The following LMBRD1 variants were observed in gnomAD, a reference collection of about 807,000 sequenced individuals.
LMBRD1 encodes lysosomal cobalamin transport escort protein LMBD1.
In LMBRD1, 64 loss-of-function variants were observed where a neutral mutation model predicts 74.8. The ratio of observed to expected loss-of-function variants is 0.86; its 90% confidence interval spans 0.70 to 1.05. The LOEUF (loss-of-function observed/expected upper bound fraction) is 1.05. Ranked by LOEUF, LMBRD1 falls within the 50% of genes least tolerant of loss-of-function variation. The pLI is 0.00. For synonymous variants in LMBRD1, 204 were observed against 216.3 expected (o/e 0.94, Z 0.50); for missense variants, 652 against 645.9 (o/e 1.01, Z -0.10).
At chr6:69,705,909 C>T (rs780712303) in intron 9 of LMBRD1, 42 of 1,285,014 alleles carry the variant, frequency 3.3e-5, no homozygotes, top group African/African-American at 4.4e-5. Flanking sequence ...AAATTGTTGG[C>T]TGTACAGACA....
intron 14 of LMBRD1, among the ~76,000 whole-genome samples, chr6:69,688,401 G>GT (rs142237925): frequency 0.33 from 49,492 of 148,706 alleles, 9,108 homozygotes; most frequent in East Asian, 0.54. Context: ...GAAGGGCAGA[G>GT]ATTTTTTTTT....
chr6:69,705,513 G>A, intron 9 of LMBRD1: 1 of 1,253,874 alleles, frequency 8.0e-7, no homozygotes, highest in Admixed American at 1.7e-5. Context: ...GTTTGATCTT[G>A]GTATTGATGA....
rs1047362233 is a variant in LMBRD1 at position 69,675,637 on chromosome 6, G to A, written c.*521C>T. ...CCATGCTCTTAGAGCACTAACTAGA[G>A]TTTGAAATCTTTTCATGAAATCTAC... On this transcript the variant is annotated 3_prime_UTR_variant, in exon 16 of 16. Transcript: ENST00000649934. Among the ~76,000 whole-genome samples the A allele has an allele frequency of 7.2e-5, 11 of 152,090 alleles. No homozygotes were observed. Among genetic ancestry groups the A allele is most frequent in the African/African-American group, 2.7e-4 (11 of 41,410 alleles).
intron 14 of LMBRD1, among the ~76,000 whole-genome samples, chr6:69,682,364 T>C (rs1168663643): frequency 6.6e-6 from 1 of 151,866 alleles, no homozygotes; most frequent in Non-Finnish European, 1.5e-5. Flanking sequence ...TTGCCAGATA[T>C]TTTGCACTTA....
chr6:69,682,999 T>C (rs1173379921), intron 14 of LMBRD1, among the ~76,000 whole-genome samples: 1 of 152,014 alleles, frequency 6.6e-6, no homozygotes, highest in East Asian at 1.9e-4. Context: ...CACAAAATTA[T>C]TTAGGTTGGC....
rs1765523980 is a variant in LMBRD1 at position 69,675,363 on chromosome 6, A to G, written c.*795T>C. ...TTCATTACATCTTTTGCAAATTTCAAATCTTTAGAATGAAAAATTATCTCT... is the reference window on the plus strand; with the variant it reads ...TTCATTACATCTTTTGCAAATTTCAGATCTTTAGAATGAAAAATTATCTCT... On this transcript the variant is annotated 3_prime_UTR_variant, in exon 16 of 16. Transcript: ENST00000649934. 6.6e-6 allele frequency among the ~76,000 whole-genome samples: 1 copy of G among 152,210 alleles called. No individual in the cohort carries two copies. Among genetic ancestry groups the G allele is most frequent in the African/African-American group, 2.4e-5 (1 of 41,456 alleles).
intron 5 of LMBRD1, 31 bp from the exon 6 acceptor site, chr6:69,741,908 C>T (rs1192299307): frequency 1.6e-6 from 2 of 1,216,020 alleles, no homozygotes; most frequent in South Asian, 1.3e-5. Context: ...GTTTTAATAG[C>T]TTTAAAGATA....
Position 69,713,684 on chromosome 6 carries a change from G to A in LMBRD1, c.876C>T (p.Ser292=). ...GAGCGCCACAAAATTTTGTCCACCA[G>A]CTGTTTTCAATGAATTCTAAATGCC... The part of the protein sequence containing the change: ...RERHLEFIEN[S]WWTKFCGALR... The change falls in exon 9 of 16, where the codon AGC becomes AGT. Residue 292 remains serine (S), a synonymous_variant. Transcript: ENST00000649934. 6.2e-7 allele frequency: 1 copy of A among 1,613,612 alleles called. No homozygotes were observed. Among genetic ancestry groups the A allele is most frequent in the East Asian group, 2.2e-5 (1 of 44,858 alleles).
intron 14 of LMBRD1, among the ~76,000 whole-genome samples, chr6:69,685,856 A>G (rs895260838): frequency 1.3e-5 from 2 of 152,116 alleles, no homozygotes; most frequent in Non-Finnish European, 2.9e-5. Flanking sequence ...GGTTTCACAA[A>G]TCTTCCAAGT....
At chr6:69,717,006 C>T (rs1019842244) in intron 8 of LMBRD1, among the ~76,000 whole-genome samples, 6 of 151,614 alleles carry the variant, frequency 4.0e-5, no homozygotes, top group Admixed American at 6.6e-5. Flanking sequence ...TATCTAATCC[C>T]CAAATTCTGA....
At chr6:69,714,032 T>C (rs1766441021) in intron 8 of LMBRD1, among the ~76,000 whole-genome samples, 1 of 152,050 alleles carries the variant, frequency 6.6e-6, no homozygotes, top group Non-Finnish European at 1.5e-5. Flanking sequence ...TCCCAATACA[T>C]GGTAGAGTTA....
chr6:69,770,419 G>C (rs974606175), intron 3 of LMBRD1, among the ~76,000 whole-genome samples: 2 of 152,156 alleles, frequency 1.3e-5, no homozygotes, highest in African/African-American at 4.8e-5. Context: ...GTCTTTCATT[G>C]ATTGCTAAAG....
chr6:69,736,915 A>G (rs1434391139), intron 7 of LMBRD1, among the ~76,000 whole-genome samples: 2 of 152,212 alleles, frequency 1.3e-5, no homozygotes, highest in Non-Finnish European at 2.9e-5. Flanking sequence ...ACCCAATGAT[A>G]TTAGATGACA....
At chr6:69,743,588 T>A (rs532423720) in intron 5 of LMBRD1, among the ~76,000 whole-genome samples, 2 of 152,330 alleles carry the variant, frequency 1.3e-5, no homozygotes, top group South Asian at 4.1e-4. Flanking sequence ...AAAGCATCCA[T>A]CAGAGAGTTA....
intron 1 of LMBRD1, among the ~76,000 whole-genome samples, chr6:69,793,716 A>ATCT (rs1766142444): frequency 7.1e-6 from 1 of 141,470 alleles, no homozygotes; most frequent in Non-Finnish European, 1.5e-5. Context: ...CATGTCCTGA[A>ATCT]TCTTTTTTTT....
intron 7 of LMBRD1, among the ~76,000 whole-genome samples, chr6:69,730,801 A>G (rs1766839004): frequency 6.6e-6 from 1 of 152,144 alleles, no homozygotes; most frequent in African/African-American, 2.4e-5. Flanking sequence ...ATTTTCTTAA[A>G]AAGCAACAGT....
intron 7 of LMBRD1, among the ~76,000 whole-genome samples, chr6:69,729,716 A>G (rs78931930): frequency 0.023 from 3,512 of 152,128 alleles, 67 homozygotes; most frequent in Middle Eastern, 0.071. Context: ...TTGCGGTAAC[A>G]TAAGACCAGA....
intron 14 of LMBRD1, among the ~76,000 whole-genome samples, chr6:69,695,554 A>T (rs928294617): frequency 1.3e-5 from 2 of 152,190 alleles, no homozygotes; most frequent in African/African-American, 4.8e-5. Flanking sequence ...ACATCATCCC[A>T]CATCTTTTAA....
chr6:69,794,037 G>A (rs1306017813), intron 1 of LMBRD1, among the ~76,000 whole-genome samples: 1 of 152,050 alleles, frequency 6.6e-6, no homozygotes, highest in Non-Finnish European at 1.5e-5. Context: ...TGAATATTTA[G>A]TAGATGATTG....
Sources: allele counts gnomAD v4.1 joint callset (sites outside exome capture counted in the v4.1 genomes callset), GRCh38; gene constraint gnomAD v4.1.1; transcripts MANE v1.5; gene names NCBI Gene and HGNC (gene_info 2026-07-23, HGNC 2026-07-21).